CTXND1: variants seen among roughly 807,000 people sequenced by gnomAD.
The protein encoded by CTXND1 is cortexin domain containing 1, also known as cortexin domain-containing 1 protein.
At position 80,252,152 on chromosome 15, in the gene CTXND1, G is replaced by A. The variant is rs1567137410; in HGVS notation, c.-363C>T. 1 of 151,680 alleles carries A rather than the reference G, an allele frequency of 6.6e-6. No homozygotes were observed. The highest frequency in any genetic ancestry group is 2.0e-4 in the East Asian group (1 of 5,122). The allele number at this position is 151,680 out of a possible 1,614,324, so 9.4% of individuals were successfully genotyped here. On this transcript the variant is annotated 5_prime_UTR_variant, in exon 1 of 3. Transcript: ENST00000560778. The stretch of plus-strand genomic sequence containing the variant: ...GGGGGGCGCTGCCCAGGCCCGGCTC[G>A]GCAGGAGTCAGAGCCCCCAGCGGCG...
chr15:80,214,942 C>T (rs1052232169), intron 1 of CTXND1, among the ~76,000 whole-genome samples: 27 of 152,112 alleles, frequency 1.8e-4, no homozygotes, highest in African/African-American at 6.5e-4. Context: ...CAGGATATAA[C>T]CACAGATGCT....
intron 1 of CTXND1, among the ~76,000 whole-genome samples, chr15:80,223,449 C>T (rs1423400857): frequency 6.6e-6 from 1 of 152,194 alleles, no homozygotes; most frequent in Non-Finnish European, 1.5e-5. Context: ...ACGATTTATT[C>T]ACTCTACAAC....
intron 1 of CTXND1, among the ~76,000 whole-genome samples, chr15:80,246,764 A>T (rs1893636054): frequency 6.6e-6 from 1 of 152,220 alleles, no homozygotes; most frequent in Non-Finnish European, 1.5e-5. Flanking sequence ...GAGTTTGTTT[A>T]AAAATGTCTG....
chr15:80,239,198 C>T (rs532814355), intron 1 of CTXND1, among the ~76,000 whole-genome samples: 16 of 152,312 alleles, frequency 1.1e-4, no homozygotes, highest in Middle Eastern at 3.4e-3. Flanking sequence ...TCCAGGCCCT[C>T]CCTGAGCCCC....
chr15:80,245,654 T>C lies in CTXND1; in HGVS notation c.-218+6353A>G, dbSNP rs12324724. Among the ~76,000 whole-genome samples the C allele has an allele frequency of 6.1e-3, 935 of 152,328 alleles. 10 individuals are homozygous for C. The highest frequency in any genetic ancestry group is 0.021 in the African/African-American group (871 of 41,566). Reference sequence around the variant, plus strand: ...TTTCAAGGACAGGGGGCATGGACTCTACCTCTTTGTGGATTGATTATCAAG... The same window carrying C: ...TTTCAAGGACAGGGGGCATGGACTCCACCTCTTTGTGGATTGATTATCAAG... On this transcript the variant is annotated intron_variant, in intron 1 of 2. Transcript: ENST00000560778.
chr15:80,210,755 G>A (rs553370170), intron 1 of CTXND1, among the ~76,000 whole-genome samples: 7 of 152,356 alleles, frequency 4.6e-5, no homozygotes, highest in Admixed American at 3.9e-4. Context: ...CACAGACTGG[G>A]TGGATTAAAC....
intron 1 of CTXND1, among the ~76,000 whole-genome samples, chr15:80,240,003 T>A (rs537137396): frequency 2.0e-5 from 3 of 152,262 alleles, no homozygotes; most frequent in Non-Finnish European, 4.4e-5. Flanking sequence ...TTTGCTCTTG[T>A]TGCCCAGGCT....
At chr15:80,220,599 C>T (rs527896380) in intron 1 of CTXND1, among the ~76,000 whole-genome samples, 21 of 152,136 alleles carry the variant, frequency 1.4e-4, no homozygotes, top group African/African-American at 4.6e-4. Flanking sequence ...GTGTTGATTG[C>T]GATTACATTG....
At chr15:80,222,647 G>A (rs1567131431) in intron 1 of CTXND1, among the ~76,000 whole-genome samples, 1 of 152,066 alleles carries the variant, frequency 6.6e-6, no homozygotes, top group South Asian at 2.1e-4. Context: ...TAATAGGAAC[G>A]TTTTTGAAAT....
At chr15:80,202,767 A>T (rs1893095295) in intron 2 of CTXND1, among the ~76,000 whole-genome samples, 1 of 152,124 alleles carries the variant, frequency 6.6e-6, no homozygotes, top group Non-Finnish European at 1.5e-5. Context: ...CCTCACAGGG[A>T]CTCTCTAGAG....
chr15:80,240,432 C>T (rs1233477960), intron 1 of CTXND1, among the ~76,000 whole-genome samples: 1 of 152,166 alleles, frequency 6.6e-6, no homozygotes, highest in Non-Finnish European at 1.5e-5. Flanking sequence ...GCGTAGGTCC[C>T]CTGGCCAATC....
chr15:80,225,982 AAGGGTCCATGGGC>A (rs1211543797), intron 1 of CTXND1, among the ~76,000 whole-genome samples: 2 of 152,182 alleles, frequency 1.3e-5, no homozygotes, highest in Non-Finnish European at 2.9e-5. Context: ...CCAAGAGCTT[AAGGGTCCATGGGC>A]AGGGTTTATC....
chr15:80,243,817 G>C (rs544950069), intron 1 of CTXND1, among the ~76,000 whole-genome samples: 11 of 152,166 alleles, frequency 7.2e-5, no homozygotes, highest in African/African-American at 2.2e-4. Flanking sequence ...CATGATAATG[G>C]AGCAATGACA....
chr15:80,226,588 T>C (rs966487793), intron 1 of CTXND1, among the ~76,000 whole-genome samples: 12 of 152,148 alleles, frequency 7.9e-5, no homozygotes, highest in Non-Finnish European at 1.3e-4. Context: ...CACTGTCAAA[T>C]TGAATTCTCC....
intron 1 of CTXND1, among the ~76,000 whole-genome samples, chr15:80,241,559 T>C (rs1478192354): frequency 1.3e-5 from 2 of 152,202 alleles, no homozygotes; most frequent in Non-Finnish European, 2.9e-5. Flanking sequence ...TCAGCTGCCA[T>C]GAGGGCAGGG....
At chr15:80,203,898 C>A (rs1268539904) in intron 1 of CTXND1, among the ~76,000 whole-genome samples, 158 bp from the exon 2 acceptor site, 1 of 151,720 alleles carries the variant, frequency 6.6e-6, no homozygotes, top group Non-Finnish European at 1.5e-5. Context: ...TAAAATATAA[C>A]AACTTTCAAG....
In CTXND1 at chr15:80,201,419, T is replaced by A. The variant is rs1002989481; in HGVS notation, c.*351A>T. ...GACAAGACCACTGTTATGTGATGGA[T>A]GGGGGGTGTCTGTTGCTGGATCCAG... On this transcript the variant is annotated 3_prime_UTR_variant, in exon 3 of 3. Coordinates refer to ENST00000560778, the MANE Select transcript of CTXND1 (RefSeq NM_001352888.2). 2 of 189,482 alleles carry A rather than the reference T, an allele frequency of 1.1e-5. No homozygotes were observed. The highest frequency in any genetic ancestry group is 2.2e-5 in the Non-Finnish European group (2 of 92,836). 11.7% of individuals were successfully genotyped at this position (189,482 alleles called of 1,614,324 possible). A position where few individuals can be genotyped will look rare whatever the true frequency, so the allele number is the denominator to read the frequency against.
chr15:80,245,436 C>G (rs1387674790), intron 1 of CTXND1, among the ~76,000 whole-genome samples: 2 of 152,196 alleles, frequency 1.3e-5, no homozygotes, highest in Admixed American at 6.5e-5. Flanking sequence ...TTGCATGGAG[C>G]TCTATCATGC....
intron 1 of CTXND1, among the ~76,000 whole-genome samples, chr15:80,236,581 G>A (rs1384417195): frequency 2.0e-5 from 3 of 152,236 alleles, no homozygotes; most frequent in African/African-American, 7.2e-5. Flanking sequence ...TCAGGAGATC[G>A]AGACCAGCCT....
Sources: gnomAD v4.1 joint callset for allele counts (sites outside exome capture counted in the v4.1 genomes callset) on GRCh38, gnomAD v4.1.1 for gene constraint, MANE v1.5 for transcripts, NCBI Gene and HGNC (gene_info 2026-07-23, HGNC 2026-07-21) for gene names.